The following TMEM132D variants were observed in gnomAD, a reference collection of about 807,000 sequenced individuals.
The protein encoded by TMEM132D is mature OL transmembrane protein.
A neutral mutation model predicts 62.3 loss-of-function variants in TMEM132D; 21 were observed. The observed-to-expected ratio is 0.34, with a 90% CI of 0.24 to 0.49. TMEM132D has a LOEUF of 0.49. Ranked by LOEUF, TMEM132D falls within the 20% of genes least tolerant of loss-of-function variation. The pLI is 0.99. For synonymous variants in TMEM132D, 621 were observed against 575.6 expected (o/e 1.08, Z -1.13); for missense variants, 1,346 against 1,402.8 (o/e 0.96, Z 0.65).
rs772287552 is a variant in TMEM132D at position 129,700,686 on chromosome 12, C to T, written c.92G>A (p.Arg31Gln). 2 of 1,608,704 alleles carry T rather than the reference C, an allele frequency of 1.2e-6. No individual in the cohort carries two copies. The highest frequency in any genetic ancestry group is 2.2e-5 in the East Asian group (1 of 44,806). The change falls in exon 2 of 9, where the codon CGA becomes CAA. Residue 31 changes from arginine (R) to glutamine (Q), a missense_variant. Physicochemically the swap from Arg to Gln is conservative, Grantham distance 43. Transcript: ENST00000422113. ...AALFSKVTEG[R>Q]GILESIQRFS... is the part of the protein sequence containing the mutation. ...CCTCTGGATGCTCTCAAGGATCCCT[C>T]GACCTTCCGTCACTGTGGGGAGGGA...
chr12:129,304,351 T>A (rs1391154956), intron 4 of TMEM132D, among the ~76,000 whole-genome samples: 1 of 152,058 alleles, frequency 6.6e-6, no homozygotes, highest in Non-Finnish European at 1.5e-5. Flanking sequence ...TACAATACCA[T>A]GCAAAGGCCA....
chr12:129,648,982 G>A lies in TMEM132D; in HGVS notation c.968+50828C>T, dbSNP rs766122736. On this transcript the variant is annotated intron_variant, in intron 2 of 8. Transcript: ENST00000422113. The stretch of plus-strand genomic sequence containing the variant: ...ACACTTCAGAGTTCCAACTGACTCC[G>A]GAGGGAAGGAAAACATCTCCAGATG... 1.3e-4 allele frequency among the ~76,000 whole-genome samples: 20 copies of A among 152,222 alleles called. No individual in the cohort carries two copies. In the East Asian group the frequency reaches 2.5e-3, roughly 19 times the overall value.
chr12:129,357,861 T>C (rs1411244335), intron 3 of TMEM132D, among the ~76,000 whole-genome samples: 6 of 152,238 alleles, frequency 3.9e-5, no homozygotes, highest in Non-Finnish European at 5.9e-5. Context: ...GAAGATCTGC[T>C]GTCATCCTCT....
chr12:129,789,051 T>C (rs1428522825), intron 1 of TMEM132D, among the ~76,000 whole-genome samples: 3 of 152,180 alleles, frequency 2.0e-5, no homozygotes, highest in African/African-American at 7.2e-5. Context: ...ATGGTTTTAA[T>C]CAGGAATCAA....
At chr12:129,508,845 G>A (rs753460498) in intron 3 of TMEM132D, among the ~76,000 whole-genome samples, 2 of 152,116 alleles carry the variant, frequency 1.3e-5, no homozygotes, top group African/African-American at 2.4e-5. Flanking sequence ...TTTCTCCTAC[G>A]TAGGGAACTG....
At chr12:129,685,866 T>A (rs1340775170) in intron 2 of TMEM132D, among the ~76,000 whole-genome samples, 1 of 152,148 alleles carries the variant, frequency 6.6e-6, no homozygotes, top group East Asian at 1.9e-4. Flanking sequence ...TCAAAGTAGA[T>A]TATGTGGGAA....
chr12:129,196,734 TC>T (rs1878561556), intron 5 of TMEM132D, among the ~76,000 whole-genome samples: 1 of 152,212 alleles, frequency 6.6e-6, no homozygotes, highest in African/African-American at 2.4e-5. Context: ...AGGTATAATC[TC>T]TGCTTGTCCA....
chr12:129,104,877 A>C (rs1460599719), intron 5 of TMEM132D, among the ~76,000 whole-genome samples: 2 of 144,596 alleles, frequency 1.4e-5, no homozygotes, highest in Admixed American at 6.9e-5. Context: ...GGCAATCATT[A>C]AAAAGTCAGG....
intron 3 of TMEM132D, among the ~76,000 whole-genome samples, chr12:129,455,143 G>A (rs958080933): frequency 6.6e-6 from 1 of 152,212 alleles, no homozygotes; most frequent in Non-Finnish European, 1.5e-5. Flanking sequence ...CATGCTATTA[G>A]GTTCCAGCAT....
chr12:129,633,268 A>T (rs1879392285), intron 2 of TMEM132D, among the ~76,000 whole-genome samples: 1 of 152,210 alleles, frequency 6.6e-6, no homozygotes, highest in African/African-American at 2.4e-5. Context: ...ACATGTGGAA[A>T]ATCAGACAAA....
At chr12:129,463,943 A>G (rs886247246) in intron 3 of TMEM132D, among the ~76,000 whole-genome samples, 4 of 149,922 alleles carry the variant, frequency 2.7e-5, no homozygotes, top group Non-Finnish European at 5.9e-5. Flanking sequence ...ATACGTGTGC[A>G]TGTGTCTTTA....
chr12:129,555,719 CAAATACAATA>C (rs1231871641), intron 2 of TMEM132D, among the ~76,000 whole-genome samples: 1 of 151,948 alleles, frequency 6.6e-6, no homozygotes, highest in Non-Finnish European at 1.5e-5. Flanking sequence ...TTTTATAACC[CAAATACAATA>C]AAAAACAAAA....
chr12:129,464,295 A>G (rs1201146441), intron 3 of TMEM132D, among the ~76,000 whole-genome samples: 6 of 152,182 alleles, frequency 3.9e-5, no homozygotes, highest in Admixed American at 1.3e-4. Flanking sequence ...GTCTGTTCAT[A>G]TCCTTCGCCC....
intron 3 of TMEM132D, among the ~76,000 whole-genome samples, chr12:129,349,881 G>A (rs772321354): frequency 3.0e-4 from 45 of 152,184 alleles, no homozygotes; most frequent in Non-Finnish European, 4.4e-4. Flanking sequence ...CTTTCCCAGC[G>A]ACAATTACCC....
chr12:129,542,883 C>T (rs2137099071), intron 2 of TMEM132D, among the ~76,000 whole-genome samples: 1 of 152,042 alleles, frequency 6.6e-6, no homozygotes, highest in South Asian at 2.1e-4. Flanking sequence ...CATTGTGTTA[C>T]AGTTACCTAT....
intron 1 of TMEM132D, among the ~76,000 whole-genome samples, chr12:129,833,018 T>A (rs1262452750): frequency 2.0e-5 from 3 of 152,212 alleles, no homozygotes; most frequent in Non-Finnish European, 2.9e-5. Context: ...TTCACACTGA[T>A]GCCTCTCGCA....
intron 5 of TMEM132D, among the ~76,000 whole-genome samples, chr12:129,166,708 C>T (rs1697895583): frequency 7.1e-6 from 1 of 140,700 alleles, no homozygotes; most frequent in African/African-American, 2.7e-5. Context: ...CACACACACA[C>T]ACACATATAC....
chr12:129,362,389 T>C (rs1456436906), intron 3 of TMEM132D, among the ~76,000 whole-genome samples: 7 of 152,032 alleles, frequency 4.6e-5, no homozygotes, highest in Non-Finnish European at 1.0e-4. Flanking sequence ...GAAATGTCCT[T>C]GAAGTCCTCT....
At chr12:129,459,349 T>C (rs572776919) in intron 3 of TMEM132D, among the ~76,000 whole-genome samples, 1 of 152,334 alleles carries the variant, frequency 6.6e-6, no homozygotes, top group South Asian at 2.1e-4. Flanking sequence ...CAATGAGTCA[T>C]GCAAATTCAG....
Sources: allele counts gnomAD v4.1 joint callset (sites outside exome capture counted in the v4.1 genomes callset), GRCh38; gene constraint gnomAD v4.1.1; transcripts MANE v1.5; gene names NCBI Gene and HGNC (gene_info 2026-07-23, HGNC 2026-07-21).